Variants in ATP11C observed in about 807,000 individuals in gnomAD.
The protein encoded by ATP11C is phospholipid-transporting ATPase IG.
Under a neutral mutation model 97.4 loss-of-function variants are expected in ATP11C, and 36 were observed. That is an observed-to-expected ratio of 0.37 (90% confidence interval 0.28 to 0.49). The LOEUF (loss-of-function observed/expected upper bound fraction) is 0.49. ATP11C is among the 20% of genes least tolerant of loss of function. The probability of loss-of-function intolerance (pLI) is 0.98; values close to 1 mark genes in which losing one functional copy is unlikely to be tolerated. For synonymous variants in ATP11C, 275 were observed against 290.9 expected (o/e 0.95, Z 0.56); for missense variants, 730 against 824.6 (o/e 0.89, Z 1.40).
intron 28 of ATP11C, among the ~76,000 whole-genome samples, chrX:139,732,054 A>G (rs1261616053): frequency 2.7e-5 from 3 of 111,260 alleles, no homozygotes; most frequent in African/African-American, 9.8e-5. Context: ...AGATGAGTCA[A>G]TATGGTTTGA....
chrX:139,777,011 G>T (rs1183113701), intron 18 of ATP11C, among the ~76,000 whole-genome samples: 1 of 111,162 alleles, frequency 9.0e-6, no homozygotes, highest in Non-Finnish European at 1.9e-5. Context: ...AGGGAAAAAA[G>T]AATTAAAAAA....
chrX:139,803,685 CTTTTTTTTTTTTTT>C (rs140315105), intron 6 of ATP11C, among the ~76,000 whole-genome samples: 3 of 38,259 alleles, frequency 7.8e-5, no homozygotes, highest in South Asian at 1.9e-3. Context: ...TACACCCTAT[CTTTTTTTTTTTTTT>C]TTTTTTTTTT....
chrX:139,896,800 G>A (rs1395683236), intron 1 of ATP11C, among the ~76,000 whole-genome samples: 12 of 109,649 alleles, frequency 1.1e-4, no homozygotes, highest in African/African-American at 3.6e-4. Flanking sequence ...GTAGAGACGG[G>A]GTTTCACCAT....
chrX:139,921,830 G>A (rs900089571), intron 1 of ATP11C, among the ~76,000 whole-genome samples: 36 of 110,953 alleles, frequency 3.2e-4, no homozygotes, highest in African/African-American at 1.1e-3. Flanking sequence ...TAAGTAAGCA[G>A]TCCTATAATA....
At chrX:139,851,010 A>G (rs1383234449) in intron 1 of ATP11C, among the ~76,000 whole-genome samples, 3 of 111,895 alleles carry the variant, frequency 2.7e-5, no homozygotes, top group Non-Finnish European at 5.6e-5. Flanking sequence ...GGAGCAAACC[A>G]ACGGTGTGGC....
At chrX:139,863,110 A>AT (rs889682495) in intron 1 of ATP11C, among the ~76,000 whole-genome samples, 1 of 112,329 alleles carries the variant, frequency 8.9e-6, no homozygotes, top group Non-Finnish European at 1.9e-5. Context: ...CATGTGCTAC[A>AT]TAATGACTTG....
At chrX:139,936,071 G>A (rs1394726968), upstream of ATP11C, among the ~76,000 whole-genome samples, 1 of 111,016 alleles carries the variant, frequency 9.0e-6, no homozygotes, top group Non-Finnish European at 1.9e-5. Flanking sequence ...GCGAAGGTAG[G>A]AGAATCGCTT....
rs112955609 is a variant in ATP11C at position 139,751,055 on chromosome X, A to C, written c.2701-903T>G. Reference sequence around the variant, plus strand: ...TAAATGTCCCTTAATAAAATGCATTAAACTATGACACAAATTAACAAAATA... The same window carrying C: ...TAAATGTCCCTTAATAAAATGCATTCAACTATGACACAAATTAACAAAATA... On this transcript the variant is annotated intron_variant, in intron 23 of 29. Coordinates refer to ENST00000682941, the MANE Select transcript of ATP11C (RefSeq NM_001353812.2). Among the ~76,000 whole-genome samples the C allele has an allele frequency of 3.8e-3, 428 of 112,506 alleles. 2 individuals carry two copies. The highest frequency in any genetic ancestry group is 0.012 in the African/African-American group (370 of 30,983).
At chrX:139,880,667 ATTC>A (rs2084547206) in intron 1 of ATP11C, among the ~76,000 whole-genome samples, 1 of 111,844 alleles carries the variant, frequency 8.9e-6, no homozygotes, top group African/African-American at 3.3e-5. Flanking sequence ...ATTGGGTCAG[ATTC>A]CCCACCTGAT....
chrX:139,760,313 C>T (rs777382420), intron 22 of ATP11C, among the ~76,000 whole-genome samples: 1 of 109,227 alleles, frequency 9.2e-6, no homozygotes, highest in Admixed American at 9.6e-5. Context: ...TCATCATTAT[C>T]ATCATTTTCC....
intron 1 of ATP11C, among the ~76,000 whole-genome samples, chrX:139,830,759 C>G (rs1459284793): frequency 9.0e-6 from 1 of 111,705 alleles, no homozygotes; most frequent in Non-Finnish European, 1.9e-5. Flanking sequence ...CACTCTCCAG[C>G]CCAAAGCTAT....
intron 1 of ATP11C, among the ~76,000 whole-genome samples, chrX:139,882,837 C>A (rs959574783): frequency 9.0e-6 from 1 of 111,345 alleles, no homozygotes; most frequent in Admixed American, 9.6e-5. Context: ...TAAATAAATA[C>A]CCAGAGGTAT....
intron 1 of ATP11C, among the ~76,000 whole-genome samples, chrX:139,875,419 CAAAAAAAA>C (rs35815603): frequency 2.2e-4 from 10 of 44,945 alleles, no homozygotes; most frequent in Admixed American, 7.6e-4. Context: ...CCCATCTCCA[CAAAAAAAA>C]AAAAAAAAAA....
At chrX:139,850,503 T>C (rs763984850) in intron 1 of ATP11C, among the ~76,000 whole-genome samples, 1 of 112,003 alleles carries the variant, frequency 8.9e-6, no homozygotes, top group East Asian at 2.8e-4. Context: ...ACTAGGATAT[T>C]TGGTAGAAGA....
At chrX:139,839,050 G>T (rs758853329) in intron 1 of ATP11C, among the ~76,000 whole-genome samples, 1 of 112,174 alleles carries the variant, frequency 8.9e-6, no homozygotes, top group Non-Finnish European at 1.9e-5. Flanking sequence ...CCATAAAAAT[G>T]AATGAAGCAT....
chrX:139,797,705 C>T (rs773852524), intron 10 of ATP11C, among the ~76,000 whole-genome samples: 1 of 111,224 alleles, frequency 9.0e-6, no homozygotes, highest in South Asian at 3.9e-4. Context: ...GTAGAGGGCA[C>T]GGTAGCAATG....
intron 1 of ATP11C, among the ~76,000 whole-genome samples, chrX:139,854,454 G>GA (rs1027321483): frequency 4.5e-5 from 5 of 110,680 alleles, no homozygotes; most frequent in African/African-American, 6.6e-5. Context: ...TCACCTTTAG[G>GA]AAAAAAAAGG....
chrX:139,815,018 C>A, intron 4 of ATP11C, 33 bp from the exon 5 acceptor site: 1 of 863,373 alleles, frequency 1.2e-6, no homozygotes, highest in South Asian at 2.5e-5. Context: ...TAATTGAGTT[C>A]TGATAATGAA....
chrX:139,794,370 G>A (rs2082751415), intron 12 of ATP11C, among the ~76,000 whole-genome samples: 2 of 112,360 alleles, frequency 1.8e-5, no homozygotes, highest in Non-Finnish European at 3.8e-5. Flanking sequence ...AATTTTGTGT[G>A]TACTGGTTTA....
Sources: gnomAD v4.1 joint callset for allele counts (sites outside exome capture counted in the v4.1 genomes callset) on GRCh38, gnomAD v4.1.1 for gene constraint, MANE v1.5 for transcripts, NCBI Gene and HGNC (gene_info 2026-07-23, HGNC 2026-07-21) for gene names.